DNAAF9: variants seen among roughly 807,000 people sequenced by gnomAD.
The protein encoded by DNAAF9 is shulin.
Under a neutral mutation model 167.0 loss-of-function variants are expected in DNAAF9, and 90 were observed. The ratio of observed to expected loss-of-function variants is 0.54; its 90% CI spans 0.45 to 0.64. DNAAF9 has a LOEUF of 0.64. Among genes scored for constraint, DNAAF9 ranks in the 30% least tolerant of loss-of-function variants. The probability of loss-of-function intolerance (pLI) is 0.00; values close to 1 mark genes in which losing one functional copy is unlikely to be tolerated. For synonymous variants in DNAAF9, 491 were observed against 508.8 expected, an observed-to-expected ratio of 0.96 and a Z score of 0.47; for missense variants, 1,315 against 1,442.2, an observed-to-expected ratio of 0.91 and a Z score of 1.43.
At chr20:3,277,280 G>A (rs2068689946) in intron 29 of DNAAF9, among the ~76,000 whole-genome samples, 1 of 152,120 alleles carries the variant, frequency 6.6e-6, no homozygotes, top group Admixed American at 6.5e-5. Context: ...CAAGGTCTCT[G>A]CAGCATTAGA....
At chr20:3,305,973 A>G (rs1430760960) in intron 20 of DNAAF9, among the ~76,000 whole-genome samples, 1 of 151,918 alleles carries the variant, frequency 6.6e-6, no homozygotes, top group Non-Finnish European at 1.5e-5. Flanking sequence ...ACCAACCCTA[A>G]AGTTCCTCCA....
chr20:3,394,865 C>G (rs1425317031), intron 1 of DNAAF9, among the ~76,000 whole-genome samples: 1 of 148,044 alleles, frequency 6.8e-6, no homozygotes, highest in Non-Finnish European at 1.5e-5. Context: ...TGCTAGTATA[C>G]AGATTACTTT....
chr20:3,262,613 T>A (rs1361472763), intron 31 of DNAAF9, among the ~76,000 whole-genome samples: 1 of 152,128 alleles, frequency 6.6e-6, no homozygotes, highest in Non-Finnish European at 1.5e-5. Flanking sequence ...TGCCTCCAGG[T>A]GTCTGGGCCC....
rs528747882 is a variant in DNAAF9 at position 3,290,870 on chromosome 20, C to A, written c.2239-653G>T. Among the ~76,000 whole-genome samples the A allele has an allele frequency of 1.4e-4, 21 of 151,028 alleles. No individual in the cohort carries two copies. In the East Asian group the frequency reaches 4.1e-3, roughly 29 times the overall value. On this transcript the variant is annotated intron_variant, in intron 25 of 36. Transcript: ENST00000252032. ...GTGGTGTGATCTCAGCTCACTACAA[C>A]CTCCGCCTCCTGGGTTCAAGAGATT... is the stretch of plus-strand genomic sequence containing the variant.
At chr20:3,312,646 G>C (rs753248630) in intron 20 of DNAAF9, among the ~76,000 whole-genome samples, 9 of 152,062 alleles carry the variant, frequency 5.9e-5, no homozygotes, top group Non-Finnish European at 1.0e-4. Flanking sequence ...TGAACTTCAG[G>C]ACCCCTTACC....
intron 6 of DNAAF9, among the ~76,000 whole-genome samples, chr20:3,369,678 A>G (rs577589282): frequency 7.2e-5 from 11 of 152,290 alleles, no homozygotes; most frequent in Admixed American, 6.5e-4. Context: ...AGCCCGGCCT[A>G]AAGTTAACTT....
rs757278918 is a variant in DNAAF9, at chr20:3,264,574, T to TC, written c.2787-51_2787-50insG. The TC allele has an allele frequency of 8.9e-6, 4 of 450,598 alleles. No individual in the cohort carries two copies. In the East Asian group the frequency reaches 1.6e-4, roughly 18 times the overall value. 27.9% of individuals were successfully genotyped at this position (450,598 alleles called of 1,614,324 possible). The stretch of plus-strand genomic sequence containing the variant: ...TAGATTAATTAGGACTGTCAATCTC[T>TC]TTTTTTTTTTTCTTGAGACGGAGTC... On this transcript the variant is annotated intron_variant, in intron 30 of 36. Coordinates refer to ENST00000252032, the MANE Select transcript of DNAAF9 (RefSeq NM_001009984.3).
intron 32 of DNAAF9, 42 bp from the exon 33 acceptor site, chr20:3,259,596 A>C: frequency 7.2e-7 from 1 of 1,380,286 alleles, no homozygotes; most frequent in Non-Finnish European, 1.0e-6. Context: ...ACATGGAGGC[A>C]CAGGCCAAAT....
intron 10 of DNAAF9, among the ~76,000 whole-genome samples, chr20:3,339,055 T>C (rs1379331053): frequency 6.6e-6 from 1 of 152,156 alleles, no homozygotes; most frequent in Non-Finnish European, 1.5e-5. Context: ...ATTCCTTCCA[T>C]GGATATGTCT....
At chr20:3,401,724 G>A (rs777362121) in intron 1 of DNAAF9, among the ~76,000 whole-genome samples, 3 of 152,166 alleles carry the variant, frequency 2.0e-5, no homozygotes, top group Non-Finnish European at 4.4e-5. Context: ...GTGAGAAATG[G>A]CAATTAAAAA....
chr20:3,259,393 G>A, intron 33 of DNAAF9, 87 bp downstream of exon 33: 2 of 893,582 alleles, frequency 2.2e-6, no homozygotes, highest in South Asian at 2.6e-5. Context: ...TCAGTGGTCT[G>A]CAGAGCACCA....
chr20:3,315,900 T>C lies in DNAAF9; in HGVS notation c.1540-115A>G, dbSNP rs532699862. On this transcript the variant is annotated intron_variant, in intron 18 of 36. Coordinates refer to ENST00000252032, the MANE Select transcript of DNAAF9 (RefSeq NM_001009984.3). The surrounding 1 kb of genome is among the most constrained non-coding windows in gnomAD (Gnocchi z 4.1). ...CACTGGCTGGACAGTCCTTCCACCATGTCCATGTCCAGTGCTCTCAGGCCC... is the reference window on the plus strand; with the variant it reads ...CACTGGCTGGACAGTCCTTCCACCACGTCCATGTCCAGTGCTCTCAGGCCC... 1.6e-5 allele frequency: 13 copies of C among 828,686 alleles called. No individual in the cohort carries two copies. In the Admixed American group the frequency reaches 2.1e-4, roughly 13 times the overall value. 51.3% of individuals were successfully genotyped at this position (828,686 alleles called of 1,614,324 possible).
rs552600417 is a variant in DNAAF9, at chr20:3,329,310, G to C, written c.1100+1336C>G. Among the ~76,000 whole-genome samples, 14 of 152,318 alleles carry C rather than the reference G, an allele frequency of 9.2e-5. 1 individual carries two copies. Among genetic ancestry groups the C allele is most frequent in the African/African-American group, 3.4e-4 (14 of 41,570 alleles). ...AGCCTCCCAAGTAGCTGGGAATACAGGCGTGTGCCACTATGTCCAGCTAAT... is the reference window on the plus strand; with the variant it reads ...AGCCTCCCAAGTAGCTGGGAATACACGCGTGTGCCACTATGTCCAGCTAAT... On this transcript the variant is annotated intron_variant, in intron 12 of 36. Coordinates refer to ENST00000252032, the MANE Select transcript of DNAAF9 (RefSeq NM_001009984.3).
intron 7 of DNAAF9, among the ~76,000 whole-genome samples, chr20:3,357,761 C>T (rs1446793313): frequency 6.6e-6 from 1 of 151,916 alleles, no homozygotes; most frequent in African/African-American, 2.4e-5. Context: ...CGCAATGGTA[C>T]AATCTCGGCT....
chr20:3,311,077 A>G (rs980899680), intron 20 of DNAAF9, among the ~76,000 whole-genome samples: 10 of 152,220 alleles, frequency 6.6e-5, no homozygotes, highest in African/African-American at 2.4e-4. Context: ...GCCCATGTGG[A>G]CCAAGAGACA....
chr20:3,375,493 T>C (rs145275695), intron 4 of DNAAF9, among the ~76,000 whole-genome samples: 91 of 152,026 alleles, frequency 6.0e-4, no homozygotes, highest in Non-Finnish European at 1.0e-3. Context: ...GTCAAACCCC[T>C]GAAAAGGGCC....
chr20:3,331,535 C>T (rs2069829702), intron 11 of DNAAF9, among the ~76,000 whole-genome samples: 1 of 152,192 alleles, frequency 6.6e-6, no homozygotes, highest in South Asian at 2.1e-4. Flanking sequence ...GCAAGCCTAG[C>T]CTTTCTGGAT....
intron 18 of DNAAF9, among the ~76,000 whole-genome samples, chr20:3,316,345 G>T (rs6051737): frequency 6.6e-6 from 1 of 151,888 alleles, no homozygotes; most frequent in Non-Finnish European, 1.5e-5. Context: ...TAAAAACTCC[G>T]TAGCAACCAC....
intron 7 of DNAAF9, among the ~76,000 whole-genome samples, chr20:3,356,729 CTACCTGAGAAAAGT>C (rs2083291874): frequency 6.6e-6 from 1 of 152,128 alleles, no homozygotes; most frequent in Non-Finnish European, 1.5e-5. Context: ...AAAGCAGCAA[CTACCTGAGAAAAGT>C]TCTCACAGCA....
Sources: gnomAD v4.1 joint callset for allele counts (sites outside exome capture counted in the v4.1 genomes callset) on GRCh38, gnomAD v4.1.1 for gene constraint, Gnocchi (gnomAD v3.1) non-coding constraint, MANE v1.5 for transcripts, NCBI Gene and HGNC (gene_info 2026-07-23, HGNC 2026-07-21) for gene names.